The following CCSER1 variants were observed in gnomAD, a reference collection of about 807,000 sequenced individuals.
CCSER1 encodes the protein serine-rich coiled-coil domain-containing protein 1.
CCSER1 carries 41 observed loss-of-function variants against 82.0 expected under a neutral mutation model. The observed-to-expected ratio is 0.50, with a 90% CI of 0.39 to 0.65. The LOEUF is 0.65. Ranked by LOEUF, CCSER1 falls within the 30% of genes least tolerant of loss-of-function variation. The pLI is 0.00. For missense variants in CCSER1, 1,119 were observed against 1,064.2 expected, an observed-to-expected ratio of 1.05 and a Z score of -0.72; for synonymous variants, 414 against 383.9, an observed-to-expected ratio of 1.08 and a Z score of -0.92.
intron 10 of CCSER1, among the ~76,000 whole-genome samples, chr4:91,487,800 A>G (rs1758300886): frequency 1.3e-5 from 2 of 152,022 alleles, no homozygotes. Flanking sequence ...ATTATACATA[A>G]CATTCAACTA....
intron 7 of CCSER1, among the ~76,000 whole-genome samples, chr4:90,778,163 T>G (rs1753200479): frequency 6.6e-6 from 1 of 152,146 alleles, no homozygotes; most frequent in South Asian, 2.1e-4. Flanking sequence ...CAGATTATAT[T>G]ATCTTGAACA....
intron 10 of CCSER1, among the ~76,000 whole-genome samples, chr4:91,216,615 A>G (rs1737265135): frequency 6.6e-6 from 1 of 152,132 alleles, no homozygotes; most frequent in African/African-American, 2.4e-5. Context: ...CCACTGCGCC[A>G]GGCCTATAGC....
At chr4:90,922,773 GCA>G (rs1728565812) in intron 8 of CCSER1, among the ~76,000 whole-genome samples, 1 of 152,028 alleles carries the variant, frequency 6.6e-6, no homozygotes, top group Non-Finnish European at 1.5e-5. Flanking sequence ...CCAGAAAAAA[GCA>G]CAGTCAGATT....
In CCSER1 at chr4:90,487,370, T is replaced by C. The variant is rs192655986; in HGVS notation, c.1724+19016T>C. Among the ~76,000 whole-genome samples, 241 of 152,172 alleles carry C rather than the reference T, an allele frequency of 1.6e-3. 1 individual carries two copies. The highest frequency in any genetic ancestry group is 6.6e-3 in the East Asian group (34 of 5,190). Reference sequence around the variant, plus strand: ...AAGGTCATCTCATTAAGCAACAGAATATATATGTCACTTTGAGACAATCAT... The same window carrying C: ...AAGGTCATCTCATTAAGCAACAGAACATATATGTCACTTTGAGACAATCAT... On this transcript the variant is annotated intron_variant, in intron 5 of 10. Coordinates refer to ENST00000509176, the MANE Select transcript of CCSER1 (RefSeq NM_001145065.2).
At chr4:90,696,140 T>G (rs1351311741) in intron 6 of CCSER1, among the ~76,000 whole-genome samples, 1 of 152,144 alleles carries the variant, frequency 6.6e-6, no homozygotes, top group Non-Finnish European at 1.5e-5. Context: ...GATTTTGTTT[T>G]TCATTTTCTT....
chr4:90,954,670 G>A lies in CCSER1; in HGVS notation c.2172+31223G>A, dbSNP rs77911742. Reference sequence around the variant, plus strand: ...GCTGAATGAAAACAAATGATGCATAGGAAGTATCAATCTCTGTGAATATTT... The same window carrying A: ...GCTGAATGAAAACAAATGATGCATAAGAAGTATCAATCTCTGTGAATATTT... On this transcript the variant is annotated intron_variant, in intron 9 of 10. Transcript: ENST00000509176. Among the ~76,000 whole-genome samples the A allele has an allele frequency of 4.9e-3, 744 of 152,178 alleles. 1 individual carries two copies. Among genetic ancestry groups the A allele is most frequent in the African/African-American group, 0.015 (604 of 41,528 alleles).
intron 10 of CCSER1, among the ~76,000 whole-genome samples, chr4:91,539,685 T>A (rs962284592): frequency 5.9e-5 from 9 of 152,136 alleles, no homozygotes; most frequent in African/African-American, 2.2e-4. Flanking sequence ...GCCTTCTTTC[T>A]CAGAAAGATG....
rs556046555 is a variant in CCSER1, at chr4:90,138,064, C to T, written c.-42+10233C>T. ...CAGTAGATGGTGAGCTCTATGAGGG[C>T]AGGGTTTTTATTTTATTTTATTCTC... On this transcript the variant is annotated intron_variant, in intron 1 of 10. Coordinates refer to ENST00000509176, the MANE Select transcript of CCSER1 (RefSeq NM_001145065.2). Among the ~76,000 whole-genome samples, 3 of 152,260 alleles carry T rather than the reference C, an allele frequency of 2.0e-5. No homozygotes were observed. The East Asian group carries it at 5.8e-4, about 29-fold the overall frequency.
At chr4:91,158,525 G>A (rs1541367) in intron 10 of CCSER1, among the ~76,000 whole-genome samples, 107,036 of 151,786 alleles carry the variant, frequency 0.71, 38,513 homozygotes, top group Non-Finnish European at 0.77. Flanking sequence ...ACTGTATGGC[G>A]CATAGTATAA....
chr4:91,168,570 T>G (rs1331854265), intron 10 of CCSER1, among the ~76,000 whole-genome samples: 1 of 150,266 alleles, frequency 6.7e-6, no homozygotes, highest in African/African-American at 2.5e-5. Flanking sequence ...ATCTGGGAAT[T>G]GAGGAGCGCC....
At chr4:91,403,373 G>A (rs753094737) in intron 10 of CCSER1, among the ~76,000 whole-genome samples, 1 of 152,030 alleles carries the variant, frequency 6.6e-6, no homozygotes, top group Non-Finnish European at 1.5e-5. Context: ...ATTGCTAATG[G>A]AATACCTATT....
At chr4:90,290,145 T>C (rs765368789) in intron 1 of CCSER1, among the ~76,000 whole-genome samples, 5 of 151,882 alleles carry the variant, frequency 3.3e-5, no homozygotes, top group Non-Finnish European at 7.4e-5. Context: ...TATTCTCTTC[T>C]AGCTATTTTG....
intron 10 of CCSER1, among the ~76,000 whole-genome samples, chr4:91,510,756 T>C (rs1759774242): frequency 1.3e-5 from 2 of 152,210 alleles, no homozygotes; most frequent in South Asian, 4.1e-4. Context: ...GCAAATATTT[T>C]CTCCCATTCT....
At chr4:90,815,360 G>A (rs1200820348) in intron 7 of CCSER1, among the ~76,000 whole-genome samples, 1 of 152,152 alleles carries the variant, frequency 6.6e-6, no homozygotes, top group East Asian at 1.9e-4. Context: ...AGCCATATCA[G>A]TATCTTTTTA....
intron 3 of CCSER1, among the ~76,000 whole-genome samples, chr4:90,360,218 C>G (rs186185571): frequency 3.5e-4 from 52 of 147,226 alleles, no homozygotes; most frequent in Admixed American, 3.4e-3. Flanking sequence ...CGCCCGGCCA[C>G]AATATTCTTA....
chr4:90,962,183 A>G (rs1734113900), intron 9 of CCSER1, among the ~76,000 whole-genome samples: 2 of 152,080 alleles, frequency 1.3e-5, no homozygotes, highest in South Asian at 4.1e-4. Context: ...GCCAACTCAC[A>G]GAACATTCTG....
chr4:91,098,481 T>G (rs1724726409), intron 10 of CCSER1, among the ~76,000 whole-genome samples: 2 of 152,178 alleles, frequency 1.3e-5, no homozygotes, highest in African/African-American at 4.8e-5. Flanking sequence ...ACTTTAGGAC[T>G]AGGTTATTGC....
At chr4:90,605,511 A>AT (rs1784587163) in intron 5 of CCSER1, among the ~76,000 whole-genome samples, 1 of 152,232 alleles carries the variant, frequency 6.6e-6, no homozygotes, top group Non-Finnish European at 1.5e-5. Context: ...CTAGAATATT[A>AT]TATGCATGTA....
At chr4:90,523,180 T>G (rs1279045529) in intron 5 of CCSER1, among the ~76,000 whole-genome samples, 1 of 152,160 alleles carries the variant, frequency 6.6e-6, no homozygotes, top group Non-Finnish European at 1.5e-5. Flanking sequence ...TCAATAATTC[T>G]TAGAACAGAA....
Sources: allele counts gnomAD v4.1 joint callset (sites outside exome capture counted in the v4.1 genomes callset), GRCh38; gene constraint gnomAD v4.1.1; transcripts MANE v1.5; gene names NCBI Gene and HGNC (gene_info 2026-07-23, HGNC 2026-07-21).